Variants in TMEM132D observed in about 807,000 individuals in gnomAD.
The protein encoded by TMEM132D is mature OL transmembrane protein.
A neutral mutation model predicts 62.3 loss-of-function variants in TMEM132D; 21 were observed. That is an observed-to-expected ratio of 0.34 (90% CI 0.24 to 0.49). The LOEUF (loss-of-function observed/expected upper bound fraction) is 0.49, where lower values mean the gene tolerates loss of function less well. Among genes scored for constraint, TMEM132D ranks in the 20% least tolerant of loss-of-function variants. The pLI, the probability that TMEM132D is intolerant of heterozygous loss-of-function variation, is 0.99. For synonymous variants in TMEM132D, 621 were observed against 575.6 expected, an observed-to-expected ratio of 1.08 and a Z score of -1.13; for missense variants, 1,346 against 1,402.8, an observed-to-expected ratio of 0.96 and a Z score of 0.65.
intron 4 of TMEM132D, among the ~76,000 whole-genome samples, chr12:129,243,984 G>A (rs1320176099): frequency 6.6e-6 from 1 of 152,084 alleles, no homozygotes; most frequent in Non-Finnish European, 1.5e-5. Flanking sequence ...AATCTCAGGG[G>A]GAGGAAGTGC....
chr12:129,196,912 T>C (rs56778712), intron 5 of TMEM132D, among the ~76,000 whole-genome samples: 4 of 152,020 alleles, frequency 2.6e-5, no homozygotes, highest in African/African-American at 7.3e-5. Context: ...AAGAATTGCA[T>C]GCATCTGTGG....
chr12:129,306,604 C>A (rs1881851384), intron 4 of TMEM132D, among the ~76,000 whole-genome samples: 1 of 152,174 alleles, frequency 6.6e-6, no homozygotes, highest in African/African-American at 2.4e-5. Context: ...CCCTGTGCAA[C>A]ACAATATTTT....
At chr12:129,519,091 C>A (rs956300004) in intron 3 of TMEM132D, among the ~76,000 whole-genome samples, 1 of 152,070 alleles carries the variant, frequency 6.6e-6, no homozygotes, top group Admixed American at 6.6e-5. Flanking sequence ...TTAATTATGT[C>A]TTACCTGTTT....
At chr12:129,644,822 C>CAAAA (rs56371039) in intron 2 of TMEM132D, among the ~76,000 whole-genome samples, 9 of 126,910 alleles carry the variant, frequency 7.1e-5, no homozygotes, top group Admixed American at 2.4e-4. Flanking sequence ...ACTAAAAATA[C>CAAAA]AAAAAAAAAA....
chr12:129,279,693 G>A (rs1017532551), intron 4 of TMEM132D, among the ~76,000 whole-genome samples: 2 of 151,966 alleles, frequency 1.3e-5, no homozygotes, highest in Non-Finnish European at 2.9e-5. Flanking sequence ...ATATTCTCAC[G>A]AGCGAAAACT....
chr12:129,087,483 G>GGAGTT (rs1218678124), intron 5 of TMEM132D, among the ~76,000 whole-genome samples: 4 of 150,682 alleles, frequency 2.7e-5, no homozygotes, highest in African/African-American at 9.8e-5. Flanking sequence ...GGCCCTAAGT[G>GGAGTT]GAGTTGACTG....
Position 129,337,734 on chromosome 12 carries a change from G to A in TMEM132D, c.1199C>T (p.Thr400Met), listed in dbSNP as rs1291399865. The change falls in exon 4 of 9, where the codon ACG becomes ATG. Residue 400 changes from threonine to methionine, a missense_variant. Physicochemically the swap from Thr to Met is moderately conservative, Grantham distance 81 (BLOSUM62 -1). Transcript: ENST00000422113. ...PGDLPATQLV[T>M]WQVEYPGEIT... is the part of the protein sequence containing the mutation. The stretch of plus-strand genomic sequence containing the variant: ...CTCTCCGGGGTACTCGACCTGCCAC[G>A]TGACCAGCTGTGTGGCTGGCAGGTC... 1 of 1,614,194 alleles carries A rather than the reference G, an allele frequency of 6.2e-7. No homozygotes were observed. Among genetic ancestry groups the A allele is most frequent in the South Asian group, 1.1e-5 (1 of 91,084 alleles).
chr12:129,557,380 G>A (rs1040231112), intron 2 of TMEM132D, among the ~76,000 whole-genome samples: 9 of 152,158 alleles, frequency 5.9e-5, no homozygotes, highest in Admixed American at 5.2e-4. Context: ...ATGAGGAGAC[G>A]TGTTTAAGGG....
intron 3 of TMEM132D, among the ~76,000 whole-genome samples, chr12:129,519,610 CTTT>C (rs35695419): frequency 6.8e-6 from 1 of 147,000 alleles, no homozygotes; most frequent in African/African-American, 2.5e-5. Flanking sequence ...GATAAGAATG[CTTT>C]TTTTTTTTTC....
Position 129,078,645 on chromosome 12 carries a change from G to A in TMEM132D, c.2004C>T (p.Leu668=), listed in dbSNP as rs151125221. ...VLDEKVTITD[L]GVQLVTGLSL... ...ACAGCCCTGTCACCAGCTGCACCCCGAGGTCTGTGATGGTCACCTTCTCGT... is the reference window on the plus strand; with the variant it reads ...ACAGCCCTGTCACCAGCTGCACCCCAAGGTCTGTGATGGTCACCTTCTCGT... The change falls in exon 8 of 9, where the codon CTC becomes CTT. Residue 668 remains leucine, a synonymous_variant. Coordinates refer to ENST00000422113, the MANE Select transcript of TMEM132D (RefSeq NM_133448.3). The A allele has an allele frequency of 4.1e-5, 66 of 1,614,172 alleles. No homozygotes were observed. Among genetic ancestry groups the A allele is most frequent in the Middle Eastern group, 3.3e-4 (2 of 6,062 alleles).
intron 2 of TMEM132D, among the ~76,000 whole-genome samples, chr12:129,560,892 A>G (rs537698755): frequency 1.3e-5 from 2 of 152,284 alleles, no homozygotes; most frequent in East Asian, 1.9e-4. Flanking sequence ...TCACTTTCAC[A>G]TTTATTTTTC....
chr12:129,662,479 T>C (rs756735785), intron 2 of TMEM132D, among the ~76,000 whole-genome samples: 33 of 152,146 alleles, frequency 2.2e-4, no homozygotes, highest in Non-Finnish European at 3.5e-4. Context: ...TCAAATCATC[T>C]GTCCTAATAA....
intron 1 of TMEM132D, among the ~76,000 whole-genome samples, chr12:129,760,364 C>T (rs1400656854): frequency 2.3e-5 from 3 of 131,792 alleles, no homozygotes; most frequent in South Asian, 5.1e-4. Flanking sequence ...TGGAGTCTCG[C>T]TCTTTTGCCC....
chr12:129,777,093 G>GA, intron 1 of TMEM132D, among the ~76,000 whole-genome samples: 4 of 152,158 alleles, frequency 2.6e-5, no homozygotes, highest in Non-Finnish European at 5.9e-5. Context: ...TCTATAAATT[G>GA]TAAACCTTCC....
At chr12:129,695,969 G>C (rs1231515803) in intron 2 of TMEM132D, among the ~76,000 whole-genome samples, 1 of 152,104 alleles carries the variant, frequency 6.6e-6, no homozygotes, top group Non-Finnish European at 1.5e-5. Context: ...CTGCAACTTA[G>C]AATATCACTG....
At chr12:129,464,441 A>G (rs866307804) in intron 3 of TMEM132D, among the ~76,000 whole-genome samples, 2 of 152,092 alleles carry the variant, frequency 1.3e-5, no homozygotes, top group African/African-American at 4.8e-5. Context: ...CTCTGATGGT[A>G]GTTTCTTTTG....
chr12:129,373,670 C>CA (rs572482295), intron 3 of TMEM132D, among the ~76,000 whole-genome samples: 7 of 151,754 alleles, frequency 4.6e-5, no homozygotes, highest in Non-Finnish European at 7.4e-5. Context: ...AAAAAAACAA[C>CA]AAAAAAACAT....
At chr12:129,644,717 A>G (rs1241335742) in intron 2 of TMEM132D, among the ~76,000 whole-genome samples, 1 of 151,594 alleles carries the variant, frequency 6.6e-6, no homozygotes, top group East Asian at 1.9e-4. Flanking sequence ...AGTGGCTCAC[A>G]CCTGTAATCC....
intron 4 of TMEM132D, among the ~76,000 whole-genome samples, chr12:129,308,582 A>G (rs1881898083): frequency 6.6e-6 from 1 of 152,212 alleles, no homozygotes; most frequent in Admixed American, 6.5e-5. Context: ...TCGATGACCC[A>G]TTGCCTTGTT....
Sources: gnomAD v4.1 joint callset for allele counts (sites outside exome capture counted in the v4.1 genomes callset) on GRCh38, gnomAD v4.1.1 for gene constraint, MANE v1.5 for transcripts, NCBI Gene and HGNC (gene_info 2026-07-23, HGNC 2026-07-21) for gene names.